The following TMEM132C variants were observed in gnomAD, a reference collection of about 807,000 sequenced individuals.
TMEM132C encodes transmembrane protein 132C.
Under a neutral mutation model 61.4 loss-of-function variants are expected in TMEM132C, and 29 were observed. The ratio of observed to expected loss-of-function variants is 0.47; its 90% CI spans 0.35 to 0.64. The LOEUF (loss-of-function observed/expected upper bound fraction) is 0.64. Among genes scored for constraint, TMEM132C ranks in the 30% least tolerant of loss-of-function variants. TMEM132C has a pLI of 0.00. For missense variants in TMEM132C, 1,408 were observed against 1,476.9 expected (o/e 0.95, Z 0.76); for synonymous variants, 656 against 633.1 (o/e 1.04, Z -0.54).
rs1212725137 is a variant in TMEM132C, at chr12:128,707,574, C to G, written c.*1279C>G. 1 of 152,202 alleles carries G rather than the reference C, an allele frequency of 6.6e-6. No individual in the cohort carries two copies. Among genetic ancestry groups the G allele is most frequent in the African/African-American group, 2.4e-5 (1 of 41,460 alleles). The allele number at this position is 152,202 out of a possible 1,614,324, so 9.4% of individuals were successfully genotyped here. A position where few individuals can be genotyped will look rare whatever the true frequency, so the allele number is the denominator to read the frequency against. The stretch of plus-strand genomic sequence containing the variant: ...AAAAATGCATTCATCCAAAGCGACA[C>G]ATGTGGCAACGTAGACCACGCCAGT... On this transcript the variant is annotated 3_prime_UTR_variant, in exon 9 of 9. Transcript: ENST00000435159.
intron 3 of TMEM132C, among the ~76,000 whole-genome samples, chr12:128,559,873 T>C (rs1305116046): frequency 6.6e-6 from 1 of 152,180 alleles, no homozygotes; most frequent in Non-Finnish European, 1.5e-5. Context: ...AATTCTCACT[T>C]AACCTGGGCT....
chr12:128,454,081 C>T (rs774830952), intron 2 of TMEM132C, among the ~76,000 whole-genome samples: 1 of 152,142 alleles, frequency 6.6e-6, no homozygotes, highest in Non-Finnish European at 1.5e-5. Context: ...CATATATTTG[C>T]CCATCTAGGT....
At chr12:128,536,084 A>G (rs550776188) in intron 2 of TMEM132C, among the ~76,000 whole-genome samples, 3 of 152,332 alleles carry the variant, frequency 2.0e-5, no homozygotes, top group African/African-American at 2.4e-5. Flanking sequence ...ATAAAGACAC[A>G]TGCATACATA....
At chr12:128,485,787 C>G (rs758565889) in intron 2 of TMEM132C, among the ~76,000 whole-genome samples, 1 of 152,194 alleles carries the variant, frequency 6.6e-6, no homozygotes, top group Non-Finnish European at 1.5e-5. Flanking sequence ...TGCTCTTCCC[C>G]CTTCCAGCCA....
chr12:128,604,649 G>A (rs1876346685), intron 3 of TMEM132C, among the ~76,000 whole-genome samples: 1 of 151,970 alleles, frequency 6.6e-6, no homozygotes, highest in Non-Finnish European at 1.5e-5. Flanking sequence ...TAGATGGATA[G>A]ACAGATGAAA....
chr12:128,639,087 A>T (rs1241219758), intron 4 of TMEM132C, among the ~76,000 whole-genome samples: 7 of 142,148 alleles, frequency 4.9e-5, no homozygotes, highest in Non-Finnish European at 1.1e-4. Context: ...TATGATGATG[A>T]TGATGATGGT....
At chr12:128,372,460 AAG>A (rs1874055592) in intron 1 of TMEM132C, among the ~76,000 whole-genome samples, 1 of 152,216 alleles carries the variant, frequency 6.6e-6, no homozygotes, top group East Asian at 1.9e-4. Context: ...AAATAAACGT[AAG>A]AGAGAGAACA....
intron 2 of TMEM132C, among the ~76,000 whole-genome samples, chr12:128,462,409 A>G (rs916232394): frequency 6.6e-6 from 1 of 152,336 alleles, no homozygotes; most frequent in East Asian, 1.9e-4. Flanking sequence ...TGGAGGTATC[A>G]GCGGACCTGA....
chr12:128,297,716 C>T (rs1031590236), intron 1 of TMEM132C, among the ~76,000 whole-genome samples: 3 of 152,124 alleles, frequency 2.0e-5, no homozygotes, highest in African/African-American at 7.2e-5. Context: ...TTTGGTATCT[C>T]TTCTGAACTT....
intron 1 of TMEM132C, among the ~76,000 whole-genome samples, chr12:128,335,749 T>C (rs754280197): frequency 6.6e-6 from 1 of 152,166 alleles, no homozygotes; most frequent in South Asian, 2.1e-4. Flanking sequence ...ACCTGCATTA[T>C]CCCCATTCCA....
At chr12:128,518,935 CT>C (rs1872811412) in intron 2 of TMEM132C, among the ~76,000 whole-genome samples, 1 of 152,136 alleles carries the variant, frequency 6.6e-6, no homozygotes, top group Non-Finnish European at 1.5e-5. Context: ...GTACCACCCC[CT>C]GCCTTTGTGT....
At chr12:128,680,909 CG>C (rs1954629112) in intron 5 of TMEM132C, among the ~76,000 whole-genome samples, 1 of 152,180 alleles carries the variant, frequency 6.6e-6, no homozygotes, top group South Asian at 2.1e-4. Context: ...TTAAGTCTCA[CG>C]GACCTTGCAG....
At chr12:128,549,379 C>T (rs1292382614) in intron 3 of TMEM132C, among the ~76,000 whole-genome samples, 5 of 152,132 alleles carry the variant, frequency 3.3e-5, no homozygotes, top group African/African-American at 9.6e-5. Flanking sequence ...GGAGGGAGTG[C>T]GTGCTGCACT....
At chr12:128,676,128 A>G (rs1278494416) in intron 5 of TMEM132C, among the ~76,000 whole-genome samples, 10 of 152,188 alleles carry the variant, frequency 6.6e-5, no homozygotes, top group African/African-American at 2.2e-4. Flanking sequence ...TCTGCAGTAC[A>G]AGATCCAATC....
intron 4 of TMEM132C, among the ~76,000 whole-genome samples, chr12:128,659,841 C>T (rs761897406): frequency 3.3e-5 from 5 of 152,198 alleles, no homozygotes; most frequent in Non-Finnish European, 7.3e-5. Context: ...TGAGACAGGC[C>T]CTCAGGGCCA....
At chr12:128,329,917 G>A (rs752732532) in intron 1 of TMEM132C, among the ~76,000 whole-genome samples, 2 of 152,168 alleles carry the variant, frequency 1.3e-5, no homozygotes, top group Non-Finnish European at 2.9e-5. Flanking sequence ...TGTAAAATAC[G>A]GCTGCGAGGA....
chr12:128,687,623 A>G (rs763339237), intron 5 of TMEM132C, among the ~76,000 whole-genome samples: 9 of 152,364 alleles, frequency 5.9e-5, no homozygotes, highest in Non-Finnish European at 1.0e-4. Flanking sequence ...CAGGGAGGCC[A>G]GCAGCTGGGT....
chr12:128,451,573 G>C (rs1379951666), intron 2 of TMEM132C, among the ~76,000 whole-genome samples: 1 of 152,052 alleles, frequency 6.6e-6, no homozygotes, highest in African/African-American at 2.4e-5. Flanking sequence ...ATTGTTACTT[G>C]GCAGAAAATA....
chr12:128,372,570 G>A (rs1366658950), intron 1 of TMEM132C, among the ~76,000 whole-genome samples: 2 of 152,122 alleles, frequency 1.3e-5, no homozygotes, highest in Non-Finnish European at 2.9e-5. Flanking sequence ...TGCACAATAA[G>A]CATTTGAATG....
Sources: allele counts gnomAD v4.1 joint callset (sites outside exome capture counted in the v4.1 genomes callset), GRCh38; gene constraint gnomAD v4.1.1; transcripts MANE v1.5; gene names NCBI Gene and HGNC (gene_info 2026-07-23, HGNC 2026-07-21).